The following FILIP1L variants were observed in gnomAD, a reference collection of about 807,000 sequenced individuals.
FILIP1L encodes the protein filamin A interacting protein 1 like, also known as filamin A-interacting protein 1-like.
FILIP1L carries 55 observed loss-of-function variants against 96.6 expected under a neutral mutation model. The ratio of observed to expected loss-of-function variants is 0.57; its 90% CI spans 0.46 to 0.71. The LOEUF (loss-of-function observed/expected upper bound fraction) is 0.71, where lower values mean the gene tolerates loss of function less well. Ranked by LOEUF, FILIP1L falls within the 30% of genes least tolerant of loss-of-function variation. The pLI is 0.00. For missense variants in FILIP1L, 1,304 were observed against 1,321.2 expected, an observed-to-expected ratio of 0.99 and a Z score of 0.20; for synonymous variants, 467 against 473.9, an observed-to-expected ratio of 0.99 and a Z score of 0.19.
chr3:99,833,487 A>G (rs1490782870), intron 5 of FILIP1L, among the ~76,000 whole-genome samples: 1 of 152,242 alleles, frequency 6.6e-6, no homozygotes, highest in African/African-American at 2.4e-5. Context: ...CCCAATTTCT[A>G]CATGACTCTT....
intron 4 of FILIP1L, among the ~76,000 whole-genome samples, chr3:99,854,662 C>T (rs1381240594): frequency 7.9e-6 from 1 of 127,026 alleles, no homozygotes; most frequent in Admixed American, 7.9e-5. Context: ...AAAAATGTTT[C>T]CAGACATTGC....
chr3:99,911,053 T>G (rs1171850831), intron 4 of FILIP1L, among the ~76,000 whole-genome samples: 2 of 152,168 alleles, frequency 1.3e-5, no homozygotes, highest in Non-Finnish European at 2.9e-5. Context: ...TTCATTCACA[T>G]GTTGCTGTAA....
chr3:99,929,896 G>A lies in FILIP1L; in HGVS notation c.386C>T (p.Thr129Ile), dbSNP rs201635242. Reference sequence around the variant, plus strand: ...CTCATAGATGTCCTCCTGCCAAGGGGTAGATTTCGCTTGAAAAGCATCTCT... The same window carrying A: ...CTCATAGATGTCCTCCTGCCAAGGGATAGATTTCGCTTGAAAAGCATCTCT... ...LQRDAFQAKS[T>I]PWQEDIYEKP... The change falls in exon 3 of 6, where the codon ACC (threonine) becomes ATC (isoleucine). Residue 129 changes from threonine to isoleucine, a missense_variant. Thr to Ile is a moderately conservative substitution (Grantham distance 89). Coordinates refer to ENST00000477258, the MANE Select transcript of FILIP1L (RefSeq NM_001387850.1). 64 of 1,613,910 alleles carry A rather than the reference G, an allele frequency of 4.0e-5. 3 individuals carry two copies. The South Asian group carries it at 6.2e-4, about 16-fold the overall frequency.
intron 1 of FILIP1L, among the ~76,000 whole-genome samples, chr3:100,094,777 G>A (rs544767860): frequency 1.4e-4 from 20 of 147,168 alleles, no homozygotes; most frequent in African/African-American, 2.8e-4. Flanking sequence ...TCTGCCTCCC[G>A]GGTTCATGCC....
intron 5 of FILIP1L, among the ~76,000 whole-genome samples, chr3:99,842,520 A>C (rs866710190): frequency 4.1e-4 from 58 of 143,150 alleles, no homozygotes; most frequent in African/African-American, 1.5e-3. Flanking sequence ...AAAAAAAAAA[A>C]GATGGTCTCA....
intron 1 of FILIP1L, among the ~76,000 whole-genome samples, chr3:100,056,671 C>T (rs565446527): frequency 6.6e-6 from 1 of 151,856 alleles, no homozygotes; most frequent in South Asian, 2.1e-4. Context: ...CTTTGGACTG[C>T]CACACAACCA....
At chr3:99,868,629 T>C (rs1944636649) in intron 4 of FILIP1L, among the ~76,000 whole-genome samples, 1 of 152,236 alleles carries the variant, frequency 6.6e-6, no homozygotes. Flanking sequence ...GGCCAAATAA[T>C]GGGTTTTTAA....
intron 1 of FILIP1L, among the ~76,000 whole-genome samples, chr3:99,968,817 G>A (rs78933188): frequency 0.014 from 2,158 of 152,252 alleles, 30 homozygotes; most frequent in Non-Finnish European, 0.023. Flanking sequence ...CAGTGGCCAG[G>A]GCAGAATGAC....
Position 99,829,575 on chromosome 3 carries a change from G to A in FILIP1L, c.*839C>T, listed in dbSNP as rs373626960. Among the ~76,000 whole-genome samples the A allele has an allele frequency of 8.5e-5, 13 of 152,314 alleles. 1 individual carries two copies. The East Asian group carries it at 1.5e-3, about 18-fold the overall frequency. ...GCTTAGATTGATGAATGCAAAGCTC[G>A]TTGTCACATGAATGAAAATCTAGGA... On this transcript the variant is annotated 3_prime_UTR_variant, in exon 6 of 6. Coordinates refer to ENST00000477258, the MANE Select transcript of FILIP1L (RefSeq NM_001387850.1).
intron 1 of FILIP1L, among the ~76,000 whole-genome samples, chr3:100,024,923 G>A (rs1281836215): frequency 5.3e-5 from 8 of 152,244 alleles, no homozygotes; most frequent in Admixed American, 5.2e-4. Flanking sequence ...GATATCCTGG[G>A]CTTTTAATGT....
chr3:100,071,090 C>CTTTTTTTT (rs61563009), intron 1 of FILIP1L, among the ~76,000 whole-genome samples: 25 of 70,506 alleles, frequency 3.5e-4, no homozygotes, highest in Admixed American at 6.2e-4. Flanking sequence ...GCTACTCTCT[C>CTTTTTTTT]TTTTTTTTTT....
Position 100,107,906 on chromosome 3 carries a change from T to G in FILIP1L, c.-11+6147A>C, listed in dbSNP as rs529817616. ...AAAAAAAAAAAAAAAGTTACTTGCTTAGGGCCAGAGAATCTCAGGGAAGGG... is the reference window on the plus strand; with the variant it reads ...AAAAAAAAAAAAAAAGTTACTTGCTGAGGGCCAGAGAATCTCAGGGAAGGG... On this transcript the variant is annotated intron_variant, in intron 1 of 5. Coordinates refer to ENST00000477258, the MANE Select transcript of FILIP1L (RefSeq NM_001387850.1). Among the ~76,000 whole-genome samples the G allele has an allele frequency of 1.6e-4, 24 of 151,774 alleles. No individual in the cohort carries two copies. In the South Asian group the frequency reaches 5.0e-3, roughly 32 times the overall value.
At chr3:100,087,624 A>G (rs1460120569) in intron 1 of FILIP1L, among the ~76,000 whole-genome samples, 1 of 152,024 alleles carries the variant, frequency 6.6e-6, no homozygotes, top group East Asian at 1.9e-4. Context: ...TATTCTGAAT[A>G]CAATTCTTTT....
intron 1 of FILIP1L, among the ~76,000 whole-genome samples, chr3:99,988,527 A>AAG (rs1553703281): frequency 5.6e-4 from 73 of 130,122 alleles, no homozygotes; most frequent in East Asian, 1.9e-3. Flanking sequence ...AAAAAAAAAA[A>AAG]AAAGAAAGAA....
intron 1 of FILIP1L, among the ~76,000 whole-genome samples, chr3:100,025,854 G>A (rs562383931): frequency 2.0e-5 from 3 of 152,100 alleles, no homozygotes; most frequent in Non-Finnish European, 4.4e-5. Flanking sequence ...ATAATTTGCC[G>A]GTTACCAGGC....
intron 1 of FILIP1L, among the ~76,000 whole-genome samples, chr3:100,028,512 G>A (rs1412568860): frequency 6.6e-6 from 1 of 152,048 alleles, no homozygotes; most frequent in Non-Finnish European, 1.5e-5. Flanking sequence ...ATTCACGTTG[G>A]AGAATAGGCC....
intron 1 of FILIP1L, among the ~76,000 whole-genome samples, chr3:99,946,684 T>C (rs1243419100): frequency 6.6e-6 from 1 of 152,162 alleles, no homozygotes; most frequent in African/African-American, 2.4e-5. Flanking sequence ...TTGAAGGTAT[T>C]TGAGGGATGA....
At chr3:99,885,069 A>G (rs570344037) in intron 4 of FILIP1L, among the ~76,000 whole-genome samples, 1 of 152,346 alleles carries the variant, frequency 6.6e-6, no homozygotes, top group East Asian at 1.9e-4. Context: ...TCCTTTCAGC[A>G]GTCAACTATA....
Position 99,930,047 on chromosome 3 carries a change from A to G in FILIP1L, c.253-18T>C. The G allele has an allele frequency of 5.7e-6, 9 of 1,586,094 alleles. No individual in the cohort carries two copies. The highest frequency in any genetic ancestry group is 7.7e-6 in the Non-Finnish European group (9 of 1,167,540). ...TCTCGAGCCTGTAGGAACAAAAAGT[A>G]TTTCAGAAAGCCTGCTGTCTCTACC... On this transcript the variant is annotated intron_variant, in intron 2 of 5. Transcript: ENST00000477258.
Sources: gnomAD v4.1 joint callset for allele counts (sites outside exome capture counted in the v4.1 genomes callset) on GRCh38, gnomAD v4.1.1 for gene constraint, MANE v1.5 for transcripts, NCBI Gene and HGNC (gene_info 2026-07-23, HGNC 2026-07-21) for gene names.